Variants in NFIA observed in about 807,000 individuals in gnomAD.
NFIA encodes the protein nuclear factor 1 A-type.
In NFIA, 8 loss-of-function variants were observed where a neutral mutation model predicts 62.8. That is an observed-to-expected ratio of 0.13 (90% confidence interval 0.07 to 0.23). The LOEUF is 0.23. Ranked by LOEUF, NFIA falls within the 10% of genes least tolerant of loss-of-function variation. The pLI, the probability that NFIA is intolerant of heterozygous loss-of-function variation, is 1.00. For missense variants in NFIA, 410 were observed against 642.1 expected (o/e 0.64, Z 3.91); for synonymous variants, 235 against 238.1 (o/e 0.99, Z 0.12).
chr1:61,182,897 C>T (rs866697934), intron 2 of NFIA, among the ~76,000 whole-genome samples: 3 of 152,102 alleles, frequency 2.0e-5, no homozygotes, highest in African/African-American at 7.2e-5. Context: ...ACCTTTTCCC[C>T]GAATATTGAA....
In NFIA at chr1:61,455,450, A is replaced by G; in HGVS notation, c.*130A>G. Reference sequence around the variant, plus strand: ...CGGAAGGGGAGAAAAACCGATTCAAATCAACTTGTACATGGAAACAGCAAG... The same window carrying G: ...CGGAAGGGGAGAAAAACCGATTCAAGTCAACTTGTACATGGAAACAGCAAG... On this transcript the variant is annotated 3_prime_UTR_variant, in exon 11 of 11. Coordinates refer to ENST00000403491, the MANE Select transcript of NFIA (RefSeq NM_001134673.4). The G allele has an allele frequency of 6.9e-7, 1 of 1,447,770 alleles. No homozygotes were observed. The highest frequency in any genetic ancestry group is 9.6e-7 in the Non-Finnish European group (1 of 1,037,908). The allele number at this position is 1,447,770 out of a possible 1,614,324, so 89.7% of individuals were successfully genotyped here.
rs1654942889 is a variant in NFIA, at chr1:61,235,490, AT to A, written c.560-42029del. ...AATAAATAAATAAATAAATAAATAAATAAATAAATAAATAAAAATAAAAAAT... is the reference window on the plus strand; with the variant it reads ...AATAAATAAATAAATAAATAAATAAAAAATAAATAAATAAAAATAAAAAAT... On this transcript the variant is annotated intron_variant, in intron 2 of 10. Coordinates refer to ENST00000403491, the MANE Select transcript of NFIA (RefSeq NM_001134673.4). Among the ~76,000 whole-genome samples the A allele has an allele frequency of 5.5e-5, 8 of 146,768 alleles. No individual in the cohort carries two copies. In the South Asian group the frequency reaches 1.5e-3, roughly 27 times the overall value.
At chr1:61,124,770 A>C (rs746960083) in intron 2 of NFIA, 1 of 152,186 alleles carries the variant, frequency 6.6e-6, no homozygotes, top group East Asian at 1.9e-4. Context: ...TGAAAAATCA[A>C]CTTGTATATG....
rs1206515976 is a variant in NFIA at position 61,404,102 on chromosome 1, AGCAAGTCCGCAT to A, written c.1079_1090del (p.Ser360_Ala363del). 20 of 1,613,886 alleles carry A rather than the reference AGCAAGTCCGCAT, an allele frequency of 1.2e-5. 1 individual carries two copies. The African/African-American group carries it at 2.4e-4, about 19-fold the overall frequency. ...TAACCCTGATGTTTTCTTTTCCTGC[AGCAAGTCCGCAT>A]GCAACACCATCGACTCTTCATTTCC... On this transcript the variant is annotated splice_acceptor_variant and coding_sequence_variant, in exon 8 of 11. Transcript: ENST00000403491. LOFTEE classifies it high-confidence loss of function.
At chr1:61,446,125 G>A (rs1316017046) in intron 10 of NFIA, among the ~76,000 whole-genome samples, 8 of 152,218 alleles carry the variant, frequency 5.3e-5, no homozygotes, top group African/African-American at 1.9e-4. Context: ...TATCCTTAGA[G>A]AGATCTGGTG....
At chr1:61,330,259 G>A (rs768473796) in intron 3 of NFIA, among the ~76,000 whole-genome samples, 2 of 152,094 alleles carry the variant, frequency 1.3e-5, no homozygotes, top group Non-Finnish European at 2.9e-5. Flanking sequence ...GAGAGTCATT[G>A]GCCTGTAGAT....
intron 4 of NFIA, among the ~76,000 whole-genome samples, chr1:61,334,583 A>G (rs376198512): frequency 0.41 from 46,015 of 112,684 alleles, 12,287 homozygotes; most frequent in African/African-American, 0.53. Context: ...ATATATATAT[A>G]TATATATATA....
chr1:61,427,060 G>A (rs1666900970), intron 10 of NFIA, among the ~76,000 whole-genome samples: 1 of 152,124 alleles, frequency 6.6e-6, no homozygotes, highest in South Asian at 2.1e-4. Context: ...CCAGAAATAA[G>A]ACGTGTTTAT....
chr1:61,399,144 TAAG>T (rs942253469), intron 7 of NFIA, among the ~76,000 whole-genome samples: 7 of 152,188 alleles, frequency 4.6e-5, no homozygotes, highest in African/African-American at 7.2e-5. Flanking sequence ...TGAAGACAGA[TAAG>T]AAGGTTTTTC....
chr1:61,255,638 G>A (rs1409235587), intron 2 of NFIA, among the ~76,000 whole-genome samples: 1 of 152,154 alleles, frequency 6.6e-6, no homozygotes, highest in Non-Finnish European at 1.5e-5. Context: ...AATCTTTTAC[G>A]AGTAGATTTT....
rs144960713 is a variant in NFIA, at chr1:61,410,719, C to G, written c.1420+3992C>G. Among the ~76,000 whole-genome samples the G allele has an allele frequency of 4.4e-3, 676 of 152,056 alleles. 7 individuals are homozygous for G. Among genetic ancestry groups the G allele is most frequent in the African/African-American group, 0.015 (639 of 41,472 alleles). ...CTCAGGAGTTCGAGACCAGCCTGGG[C>G]AATGTGGTGAAACCCCATCTCTACA... is the stretch of plus-strand genomic sequence containing the variant. On this transcript the variant is annotated intron_variant, in intron 9 of 10. Transcript: ENST00000403491.
chr1:61,247,580 C>T (rs1330964268), intron 2 of NFIA, among the ~76,000 whole-genome samples: 1 of 152,122 alleles, frequency 6.6e-6, no homozygotes, highest in Non-Finnish European at 1.5e-5. Flanking sequence ...GCTCTTGATG[C>T]CACACTTAAT....
chr1:61,116,445 G>A lies in NFIA; in HGVS notation c.559+27765G>A, dbSNP rs1570187488. On this transcript the variant is annotated intron_variant, in intron 2 of 10. Transcript: ENST00000403491. ...CTGTGCTTAGCAGGAACAACGTTTTGTGCACTTGATAAACACTGTCAGTTG... is the reference window on the plus strand; with the variant it reads ...CTGTGCTTAGCAGGAACAACGTTTTATGCACTTGATAAACACTGTCAGTTG... Among the ~76,000 whole-genome samples the A allele has an allele frequency of 2.0e-5, 3 of 152,060 alleles. No homozygotes were observed. The South Asian group carries it at 6.2e-4, about 31-fold the overall frequency.
chr1:61,121,403 C>G (rs757110626), intron 2 of NFIA, among the ~76,000 whole-genome samples: 2 of 152,040 alleles, frequency 1.3e-5, no homozygotes, highest in African/African-American at 4.8e-5. Flanking sequence ...CCCAAGAATT[C>G]TAGGGAGTAA....
chr1:61,452,370 C>A (rs1668096203), intron 10 of NFIA, among the ~76,000 whole-genome samples: 2 of 152,062 alleles, frequency 1.3e-5, no homozygotes, highest in Non-Finnish European at 2.9e-5. Context: ...AACCAACTTC[C>A]TGTTCTGGAA....
Position 61,088,820 on chromosome 1 carries a change from A to G in NFIA, c.559+140A>G. On this transcript the variant is annotated intron_variant, in intron 2 of 10. Coordinates refer to ENST00000403491, the MANE Select transcript of NFIA (RefSeq NM_001134673.4). The surrounding 1 kb of genome is among the most constrained non-coding windows in gnomAD (Gnocchi z 4.5). ...AGCCAGTGTGGTTTCAAAGATTGAG[A>G]GAGGTGCCACCTTCATTCAGGTGAA... is the stretch of plus-strand genomic sequence containing the variant. 1 of 956,604 alleles carries G rather than the reference A, an allele frequency of 1.0e-6. No homozygotes were observed. The highest frequency in any genetic ancestry group is 2.4e-5 in the East Asian group (1 of 41,086). The allele number at this position is 956,604 out of a possible 1,614,324, so 59.3% of individuals were successfully genotyped here.
chr1:61,140,917 A>G (rs1160215995), intron 2 of NFIA, among the ~76,000 whole-genome samples: 1 of 150,580 alleles, frequency 6.6e-6, no homozygotes, highest in Non-Finnish European at 1.5e-5. Context: ...TGACATTGCC[A>G]TTCAAAAAGC....
rs1321228655 is a variant in NFIA, at chr1:61,455,417, A to C, written c.*97A>C. 5.0e-6 allele frequency: 8 copies of C among 1,595,926 alleles called. No individual in the cohort carries two copies. The Admixed American group carries it at 8.7e-5, about 17-fold the overall frequency. On this transcript the variant is annotated 3_prime_UTR_variant, in exon 11 of 11. Coordinates refer to ENST00000403491, the MANE Select transcript of NFIA (RefSeq NM_001134673.4). ...CTCAACCCAGCGCAGTTACAACTTC[A>C]CTATCAGCGGAAGGGGAGAAAAACC...
rs192554659 is a variant in NFIA, at chr1:61,200,430, G to A, written c.560-77090G>A. ...TCACACAGAAAAAAAAAGAAATTAA[G>A]GAAGATTAATTGATCCATTCTTTAG... On this transcript the variant is annotated intron_variant, in intron 2 of 10. Transcript: ENST00000403491. Among the ~76,000 whole-genome samples, 660 of 152,100 alleles carry A rather than the reference G, an allele frequency of 4.3e-3. 3 individuals are homozygous for A. The highest frequency in any genetic ancestry group is 7.2e-3 in the Non-Finnish European group (492 of 67,992).
Sources: gnomAD v4.1 joint callset for allele counts (sites outside exome capture counted in the v4.1 genomes callset) on GRCh38, gnomAD v4.1.1 for gene constraint, Gnocchi (gnomAD v3.1) non-coding constraint, MANE v1.5 for transcripts, NCBI Gene and HGNC (gene_info 2026-07-23, HGNC 2026-07-21) for gene names.